SPTSSA: variants seen among roughly 807,000 people sequenced by gnomAD.
SPTSSA encodes small subunit of serine palmitoyltransferase A.
In SPTSSA, 8 loss-of-function variants were observed where a neutral mutation model predicts 9.1. The observed-to-expected ratio is 0.88, with a 90% CI of 0.51 to 1.58. The LOEUF is 1.58. Ranked by LOEUF, SPTSSA falls within the 40% of genes most tolerant of loss-of-function variation. The pLI, the probability that SPTSSA is intolerant of heterozygous loss-of-function variation, is 0.00. For missense variants in SPTSSA, 100 were observed against 93.8 expected, an observed-to-expected ratio of 1.07 and a Z score of -0.27; for synonymous variants, 42 against 37.7, an observed-to-expected ratio of 1.11 and a Z score of -0.41.
At chr14:34,446,950 G>A (rs905038916) in intron 1 of SPTSSA, among the ~76,000 whole-genome samples, 5 of 152,084 alleles carry the variant, frequency 3.3e-5, no homozygotes, top group South Asian at 2.1e-4. Context: ...TCAGCTGGGC[G>A]CAGTGGCTCA....
At chr14:34,437,571 C>G (rs1883259319) in intron 1 of SPTSSA, among the ~76,000 whole-genome samples, 1 of 152,180 alleles carries the variant, frequency 6.6e-6, no homozygotes, top group Non-Finnish European at 1.5e-5. Context: ...CTTAGGACTT[C>G]AGCCAGGAAT....
chr14:34,448,572 C>A (rs1271816898), intron 1 of SPTSSA, among the ~76,000 whole-genome samples: 1 of 152,162 alleles, frequency 6.6e-6, no homozygotes, highest in East Asian at 1.9e-4. Context: ...ATAGGGCATA[C>A]CCCAAGTAAC....
At chr14:34,441,952 T>A (rs1044193823) in intron 1 of SPTSSA, among the ~76,000 whole-genome samples, 8 of 152,042 alleles carry the variant, frequency 5.3e-5, no homozygotes, top group Non-Finnish European at 1.0e-4. Flanking sequence ...CTCAGCTCAC[T>A]GCAACCTCCG....
At chr14:34,438,300 TA>T (rs987232010) in intron 1 of SPTSSA, among the ~76,000 whole-genome samples, 3 of 152,234 alleles carry the variant, frequency 2.0e-5, no homozygotes, top group African/African-American at 7.2e-5. Context: ...ATTTTTTTTT[TA>T]AATTTAGAAT....
chr14:34,452,851 C>T (rs993345278), intron 1 of SPTSSA, among the ~76,000 whole-genome samples: 1 of 152,130 alleles, frequency 6.6e-6, no homozygotes, highest in Non-Finnish European at 1.5e-5. Flanking sequence ...AGTACAGGAG[C>T]TATATTCCTT....
At chr14:34,450,270 T>C (rs1322197907) in intron 1 of SPTSSA, among the ~76,000 whole-genome samples, 1 of 152,236 alleles carries the variant, frequency 6.6e-6, no homozygotes, top group African/African-American at 2.4e-5. Flanking sequence ...AGTGTAATCC[T>C]GGGATGACAC....
Position 34,462,216 on chromosome 14 carries a change from C to A in SPTSSA, c.-9G>T, listed in dbSNP as rs553194495. The A allele has an allele frequency of 2.0e-6, 3 of 1,518,788 alleles. No homozygotes were observed. The highest frequency in any genetic ancestry group is 1.8e-6 in the Non-Finnish European group (2 of 1,125,748). 94.1% of individuals were successfully genotyped at this position (1,518,788 alleles called of 1,614,324 possible). On this transcript the variant is annotated 5_prime_UTR_variant, in exon 1 of 2. Coordinates refer to ENST00000298130, the MANE Select transcript of SPTSSA (RefSeq NM_138288.4). ...AGCGCCATCCCCGCCATGCGCCTCCCGCGATGCAGCTCACACGTCAGTCTG... is the reference window on the plus strand; with the variant it reads ...AGCGCCATCCCCGCCATGCGCCTCCAGCGATGCAGCTCACACGTCAGTCTG...
At chr14:34,441,766 AG>A (rs1472859726) in intron 1 of SPTSSA, among the ~76,000 whole-genome samples, 2 of 152,198 alleles carry the variant, frequency 1.3e-5, no homozygotes, top group African/African-American at 4.8e-5. Context: ...AGTGAAACTA[AG>A]GGGTTTCCAT....
intron 1 of SPTSSA, among the ~76,000 whole-genome samples, chr14:34,461,720 T>C (rs1489315884): frequency 6.6e-6 from 1 of 152,174 alleles, no homozygotes; most frequent in Non-Finnish European, 1.5e-5. Flanking sequence ...AGCGATGTGC[T>C]CCACTGTTAC....
intron 1 of SPTSSA, among the ~76,000 whole-genome samples, chr14:34,439,133 T>C (rs1883282701): frequency 6.6e-6 from 1 of 152,156 alleles, no homozygotes; most frequent in Non-Finnish European, 1.5e-5. Flanking sequence ...CTCTGGAGCA[T>C]AAATTATACC....
intron 1 of SPTSSA, 129 bp from the exon 2 acceptor site, chr14:34,435,433 T>TAAA (rs149717054): frequency 1.8e-6 from 1 of 562,810 alleles, no homozygotes; most frequent in African/African-American, 1.9e-5. Flanking sequence ...CAAGCACTGA[T>TAAA]AAAAAAAACA....
At chr14:34,438,049 C>T (rs1883265754) in intron 1 of SPTSSA, among the ~76,000 whole-genome samples, 1 of 152,120 alleles carries the variant, frequency 6.6e-6, no homozygotes, top group Non-Finnish European at 1.5e-5. Context: ...GCAATCCTCC[C>T]ACCTCAGCCC....
chr14:34,444,752 A>AG (rs1387632957), intron 1 of SPTSSA, among the ~76,000 whole-genome samples: 1 of 86,662 alleles, frequency 1.2e-5, no homozygotes, highest in East Asian at 3.9e-4. Context: ...ACTCTGCCTC[A>AG]AAAAAAAAAA....
chr14:34,437,722 A>G (rs1594616486), intron 1 of SPTSSA, among the ~76,000 whole-genome samples: 1 of 152,336 alleles, frequency 6.6e-6, no homozygotes, highest in East Asian at 1.9e-4. Flanking sequence ...AAATAATCAC[A>G]GAAAAATGGA....
intron 1 of SPTSSA, among the ~76,000 whole-genome samples, chr14:34,456,494 G>A (rs1462929139): frequency 6.6e-6 from 1 of 152,086 alleles, no homozygotes; most frequent in African/African-American, 2.4e-5. Context: ...CCAAAAAACT[G>A]CCCACATTTT....
At chr14:34,454,323 T>C (rs1358511204) in intron 1 of SPTSSA, among the ~76,000 whole-genome samples, 2 of 152,208 alleles carry the variant, frequency 1.3e-5, no homozygotes, top group East Asian at 3.8e-4. Flanking sequence ...TAGAATCACA[T>C]GCTGAAACAC....
intron 1 of SPTSSA, among the ~76,000 whole-genome samples, chr14:34,457,311 T>C (rs948038940): frequency 7.3e-6 from 1 of 136,580 alleles, no homozygotes; most frequent in African/African-American, 3.2e-5. Flanking sequence ...TACAACGTTA[T>C]CCAAGTGAGG....
intron 1 of SPTSSA, among the ~76,000 whole-genome samples, chr14:34,447,873 C>G (rs1237597562): frequency 6.6e-6 from 1 of 152,236 alleles, no homozygotes; most frequent in Non-Finnish European, 1.5e-5. Context: ...TTCATTCCCT[C>G]TCGCCTAGAA....
At chr14:34,437,326 T>A (rs1362434555) in intron 1 of SPTSSA, among the ~76,000 whole-genome samples, 1 of 152,232 alleles carries the variant, frequency 6.6e-6, no homozygotes, top group Non-Finnish European at 1.5e-5. Context: ...TCTTTTAATC[T>A]CTCTTACCAT....
Sources: allele counts gnomAD v4.1 joint callset (sites outside exome capture counted in the v4.1 genomes callset), GRCh38; gene constraint gnomAD v4.1.1; transcripts MANE v1.5; gene names NCBI Gene and HGNC (gene_info 2026-07-23, HGNC 2026-07-21).